SLC9A7: variants seen among roughly 807,000 people sequenced by gnomAD.
SLC9A7 encodes sodium/hydrogen exchanger 7.
In SLC9A7, 19 loss-of-function variants were observed where a neutral mutation model predicts 52.6. The ratio of observed to expected loss-of-function variants is 0.36; its 90% CI spans 0.25 to 0.53. The LOEUF (loss-of-function observed/expected upper bound fraction) is 0.53. SLC9A7 is among the 20% of genes least tolerant of loss of function. The pLI is 0.91. For missense variants in SLC9A7, 455 were observed against 597.9 expected (o/e 0.76, Z 2.49); for synonymous variants, 226 against 252.1 (o/e 0.90, Z 0.98).
intron 5 of SLC9A7, among the ~76,000 whole-genome samples, chrX:46,667,883 G>A (rs1334238122): frequency 8.9e-6 from 1 of 111,921 alleles, no homozygotes; most frequent in Admixed American, 9.5e-5. Context: ...AACTTGGAAA[G>A]GAGAACTTTT....
chrX:46,628,382 G>A (rs1247376404), intron 14 of SLC9A7, among the ~76,000 whole-genome samples: 1 of 112,458 alleles, frequency 8.9e-6, no homozygotes, highest in Admixed American at 9.4e-5. Context: ...ACAAAGCACT[G>A]AGTTTTGTTT....
At chrX:46,640,719 C>T (rs554857755) in intron 12 of SLC9A7, among the ~76,000 whole-genome samples, 4 of 112,180 alleles carry the variant, frequency 3.6e-5, no homozygotes, top group African/African-American at 9.7e-5. Context: ...TAAAAATGGA[C>T]AAAAGACTTG....
chrX:46,600,082 A>G lies in SLC9A7; in HGVS notation c.*6870T>C, dbSNP rs750981549. ...TATGAAGTCACACTTTGAACGATCAATTTCAGTGGTAAATTCCCAATCCAT... is the reference window on the plus strand; with the variant it reads ...TATGAAGTCACACTTTGAACGATCAGTTTCAGTGGTAAATTCCCAATCCAT... On this transcript the variant is annotated 3_prime_UTR_variant, in exon 17 of 17. Coordinates refer to ENST00000616978, the MANE Select transcript of SLC9A7 (RefSeq NM_001257291.2). 11 of 111,818 alleles carry G rather than the reference A, an allele frequency of 9.8e-5. No individual in the cohort carries two copies. Among genetic ancestry groups the G allele is most frequent in the African/African-American group, 2.0e-4 (6 of 30,738 alleles). The allele number at this position is 111,818 out of a possible 1,213,427, so 9.2% of individuals were successfully genotyped here.
chrX:46,702,519 G>A (rs925183122), intron 1 of SLC9A7, among the ~76,000 whole-genome samples: 1 of 111,482 alleles, frequency 9.0e-6, no homozygotes, highest in South Asian at 3.8e-4. Context: ...CCTGTTACAG[G>A]TGAGAACATG....
Position 46,653,715 on chromosome X carries a change from G to A in SLC9A7, c.1042-1C>T. On this transcript the variant is annotated splice_acceptor_variant, in intron 7 of 16. Coordinates refer to ENST00000616978, the MANE Select transcript of SLC9A7 (RefSeq NM_001257291.2). LOFTEE classifies it high-confidence loss of function. ...AGTGCAGTTTGGTAAACTTAGTCAC[G>A]TTGGCATTCTGTCAAGGACCCTGTC... 8.3e-7 allele frequency: 1 copy of A among 1,199,930 alleles called. No individual in the cohort carries two copies. The highest frequency in any genetic ancestry group is 1.1e-6 in the Non-Finnish European group (1 of 885,471).
intron 1 of SLC9A7, among the ~76,000 whole-genome samples, chrX:46,727,844 C>T (rs944831725): frequency 1.8e-5 from 2 of 112,246 alleles, no homozygotes; most frequent in Middle Eastern, 4.6e-3. Flanking sequence ...AGTAACTGAA[C>T]GTCTCCTGCA....
intron 1 of SLC9A7, among the ~76,000 whole-genome samples, chrX:46,727,840 T>G (rs1185508739): frequency 1.8e-5 from 2 of 112,391 alleles, no homozygotes; most frequent in African/African-American, 6.5e-5. Context: ...CAGAAGTAAC[T>G]GAACGTCTCC....
chrX:46,651,863 G>GA (rs1206499583), intron 8 of SLC9A7, among the ~76,000 whole-genome samples: 2 of 103,310 alleles, frequency 1.9e-5, no homozygotes, highest in African/African-American at 3.6e-5. Flanking sequence ...AGAAAAAAAA[G>GA]AAAAAAAAGT....
At chrX:46,660,623 C>T (rs1287329117) in intron 7 of SLC9A7, among the ~76,000 whole-genome samples, 1 of 111,161 alleles carries the variant, frequency 9.0e-6, no homozygotes, top group East Asian at 2.8e-4. Context: ...TGAAAAAATG[C>T]TCATCATCAC....
chrX:46,694,878 A>G (rs1363360270), intron 1 of SLC9A7, among the ~76,000 whole-genome samples: 1 of 112,476 alleles, frequency 8.9e-6, no homozygotes, highest in Admixed American at 9.4e-5. Flanking sequence ...TGGTCTATCC[A>G]TACAGTAGAA....
intron 16 of SLC9A7, among the ~76,000 whole-genome samples, chrX:46,608,637 CTTCT>C (rs1470538741): frequency 4.5e-5 from 5 of 111,633 alleles, no homozygotes; most frequent in South Asian, 3.7e-4. Flanking sequence ...TTACAGTAGC[CTTCT>C]TTCTTTTTCT....
At chrX:46,705,808 C>T (rs1313197245) in intron 1 of SLC9A7, among the ~76,000 whole-genome samples, 2 of 111,644 alleles carry the variant, frequency 1.8e-5, no homozygotes, top group Non-Finnish European at 3.8e-5. Flanking sequence ...TGCACTACAG[C>T]CTGGATGACA....
At chrX:46,639,948 C>A in intron 12 of SLC9A7, among the ~76,000 whole-genome samples, 1 of 111,792 alleles carries the variant, frequency 8.9e-6, no homozygotes, top group South Asian at 3.7e-4. Context: ...CAAAGAAGTT[C>A]TAAATAAATG....
intron 5 of SLC9A7, among the ~76,000 whole-genome samples, chrX:46,665,562 A>AAAAAAAAAAAAAAAAAAAAAAAG (rs1569513654): frequency 9.5e-6 from 1 of 105,770 alleles, no homozygotes; most frequent in African/African-American, 3.6e-5. Context: ...CATCTCAAAA[A>AAAAAAAAAAAAAAAAAAAAAAAG]AAAAAAAAAA....
chrX:46,621,297 T>G (rs1167960257), intron 14 of SLC9A7, among the ~76,000 whole-genome samples: 1 of 112,165 alleles, frequency 8.9e-6, no homozygotes, highest in Non-Finnish European at 1.9e-5. Context: ...AGCTCAAACT[T>G]AATATGGAAC....
rs966219318 is a variant in SLC9A7 at position 46,599,477 on chromosome X, A to G, written c.*7475T>C. ...AATACAAAACAAAATTAGCTCAGCC[A>G]GTTAGTTGTTTTATTTTGAGTTTTG... On this transcript the variant is annotated 3_prime_UTR_variant, in exon 17 of 17. Coordinates refer to ENST00000616978, the MANE Select transcript of SLC9A7 (RefSeq NM_001257291.2). 8.9e-5 allele frequency: 10 copies of G among 112,403 alleles called. No homozygotes were observed. Among genetic ancestry groups the G allele is most frequent in the Admixed American group, 2.8e-4 (3 of 10,580 alleles). The allele number at this position is 112,403 out of a possible 1,213,427, so 9.3% of individuals were successfully genotyped here. A position where few individuals can be genotyped will look rare whatever the true frequency, so the allele number is the denominator to read the frequency against.
intron 5 of SLC9A7, among the ~76,000 whole-genome samples, chrX:46,663,532 G>A (rs12832070): frequency 4.5e-4 from 43 of 95,199 alleles, no homozygotes; most frequent in African/African-American, 3.9e-4. Flanking sequence ...CAGCTACTTG[G>A]GAGGCTGAGG....
chrX:46,730,670 T>TAATATATA (rs1491295251), intron 1 of SLC9A7, among the ~76,000 whole-genome samples: 8 of 42,913 alleles, frequency 1.9e-4, no homozygotes, highest in African/African-American at 5.2e-4. Flanking sequence ...AAAAAAAAAA[T>TAATATATA]TATATATATA....
intron 14 of SLC9A7, among the ~76,000 whole-genome samples, chrX:46,623,999 G>T (rs1943084277): frequency 9.0e-6 from 1 of 111,731 alleles, no homozygotes; most frequent in Non-Finnish European, 1.9e-5. Flanking sequence ...AATTACCAAT[G>T]GCTACTAATT....
Sources: gnomAD v4.1 joint callset for allele counts (sites outside exome capture counted in the v4.1 genomes callset) on GRCh38, gnomAD v4.1.1 for gene constraint, MANE v1.5 for transcripts, NCBI Gene and HGNC (gene_info 2026-07-23, HGNC 2026-07-21) for gene names.